The following DOCK3 variants were observed in gnomAD, a reference collection of about 807,000 sequenced individuals.
DOCK3 encodes the protein dedicator of cytokinesis 3.
DOCK3 carries 60 observed loss-of-function variants against 265.6 expected under a neutral mutation model. The ratio of observed to expected loss-of-function variants is 0.23; its 90% CI spans 0.18 to 0.28. The LOEUF (loss-of-function observed/expected upper bound fraction) is 0.28. DOCK3 is among the 10% of genes least tolerant of loss of function. DOCK3 has a pLI of 1.00. For synonymous variants in DOCK3, 881 were observed against 938.0 expected (o/e 0.94, Z 1.11); for missense variants, 1,981 against 2,594.3 (o/e 0.76, Z 5.14).
chr3:50,824,656 A>C (rs1318560728), intron 2 of DOCK3, among the ~76,000 whole-genome samples: 1 of 152,158 alleles, frequency 6.6e-6, no homozygotes, highest in Admixed American at 6.5e-5. Context: ...TAGAGATGAT[A>C]ATGGACCAGG....
intron 5 of DOCK3, among the ~76,000 whole-genome samples, chr3:50,940,186 G>C (rs574615718): frequency 6.6e-6 from 1 of 151,230 alleles, no homozygotes; most frequent in Admixed American, 6.6e-5. Flanking sequence ...GCCAGGCACA[G>C]TGTCTCATGC....
At chr3:50,839,338 A>G (rs1379874) in intron 2 of DOCK3, among the ~76,000 whole-genome samples, 15,092 of 152,234 alleles carry the variant, frequency 0.099, 928 homozygotes, top group Non-Finnish European at 0.13. Context: ...TTTTCAACTC[A>G]TTTGGGTAAA....
chr3:50,868,685 A>T lies in DOCK3; in HGVS notation c.163-21341A>T, dbSNP rs550998869. 1.4e-3 allele frequency among the ~76,000 whole-genome samples: 215 copies of T among 151,988 alleles called. No homozygotes were observed. The Middle Eastern group carries it at 0.017, about 12-fold the overall frequency. ...CACTGCACCAGGCTGACTTTTTATT[A>T]TGGCTTTTATCTTGTTACTGGTCTT... On this transcript the variant is annotated intron_variant, in intron 3 of 52. Transcript: ENST00000266037.
intron 21 of DOCK3, among the ~76,000 whole-genome samples, chr3:51,244,573 G>A (rs542552518): frequency 6.6e-6 from 1 of 152,094 alleles, no homozygotes; most frequent in Admixed American, 6.5e-5. Flanking sequence ...GTTCTAACAG[G>A]TTTTTTTGGG....
chr3:50,931,836 G>A (rs955635852), intron 4 of DOCK3, among the ~76,000 whole-genome samples: 2 of 152,218 alleles, frequency 1.3e-5, no homozygotes, highest in Non-Finnish European at 2.9e-5. Context: ...AAATTGGAGG[G>A]TTATGGAGTT....
At position 51,017,310 on chromosome 3, in the gene DOCK3, C is replaced by G. The variant is rs533016563; in HGVS notation, c.316-47138C>G. ...GGCTTGTCAATTTTGTTTATCTTTT[C>G]AAAAAGTCAGCTTTTTGTTTCATTG... On this transcript the variant is annotated intron_variant, in intron 5 of 52. Coordinates refer to ENST00000266037, the MANE Select transcript of DOCK3 (RefSeq NM_004947.5). Among the ~76,000 whole-genome samples the G allele has an allele frequency of 6.0e-5, 9 of 151,252 alleles. 2 individuals carry two copies. The highest frequency in any genetic ancestry group is 2.0e-4 in the African/African-American group (8 of 41,024).
At chr3:50,812,863 G>A (rs1421713775) in intron 2 of DOCK3, among the ~76,000 whole-genome samples, 1 of 152,214 alleles carries the variant, frequency 6.6e-6, no homozygotes, top group African/African-American at 2.4e-5. Flanking sequence ...CCCAACTCAG[G>A]TATTACTAAC....
At chr3:51,290,796 G>A (rs2081705739) in intron 27 of DOCK3, among the ~76,000 whole-genome samples, 1 of 152,146 alleles carries the variant, frequency 6.6e-6, no homozygotes. Context: ...AAAAGAGACA[G>A]TGGGCTGGGC....
chr3:51,056,595 T>C (rs1245537518), intron 5 of DOCK3, among the ~76,000 whole-genome samples: 2 of 152,208 alleles, frequency 1.3e-5, no homozygotes. Context: ...CCAAGTACTG[T>C]AGTCTAGAAA....
chr3:51,381,045 C>A lies in DOCK3; in HGVS notation c.5584-5C>A. On this transcript the variant is annotated splice_region_variant and splice_polypyrimidine_tract_variant and intron_variant, in intron 52 of 52. Transcript: ENST00000266037. This position sits in a 1 kb window ranked among gnomAD's most constrained non-coding sequence, Gnocchi z 5.6. ...ATTCTAACATGCCCACCCTTTCCTT[C>A]GCAGTCTCCTCTCCACCCTATCCCA... 1.3e-6 allele frequency: 2 copies of A among 1,578,932 alleles called. No homozygotes were observed.
intron 12 of DOCK3, among the ~76,000 whole-genome samples, chr3:51,201,325 G>A (rs1292769267): frequency 6.6e-6 from 1 of 151,504 alleles, no homozygotes; most frequent in Admixed American, 6.6e-5. Flanking sequence ...AAAGGATGGA[G>A]GAAGATCTAC....
At chr3:51,363,237 A>T (rs1161304882) in intron 49 of DOCK3, among the ~76,000 whole-genome samples, 2 of 152,238 alleles carry the variant, frequency 1.3e-5, no homozygotes, top group African/African-American at 2.4e-5. Flanking sequence ...GCATCTTCGC[A>T]TCTTTTTCAC....
chr3:50,766,346 C>T (rs1559611584), intron 1 of DOCK3, among the ~76,000 whole-genome samples: 1 of 142,430 alleles, frequency 7.0e-6, no homozygotes, highest in African/African-American at 2.6e-5. Context: ...TTGTTCAATA[C>T]CCACCTATGA....
At chr3:50,687,419 C>G (rs2034906288) in intron 1 of DOCK3, among the ~76,000 whole-genome samples, 1 of 152,158 alleles carries the variant, frequency 6.6e-6, no homozygotes, top group African/African-American at 2.4e-5. Flanking sequence ...CTGAAATGTG[C>G]TGCCAGTAGT....
At chr3:51,194,930 T>C (rs567094194) in intron 12 of DOCK3, among the ~76,000 whole-genome samples, 109 of 151,778 alleles carry the variant, frequency 7.2e-4, no homozygotes, top group African/African-American at 2.6e-3. Context: ...GTTCAAGTGA[T>C]TCTCTTGCCT....
At chr3:50,765,924 AC>A (rs1282822856) in intron 1 of DOCK3, among the ~76,000 whole-genome samples, 2 of 150,814 alleles carry the variant, frequency 1.3e-5, no homozygotes, top group East Asian at 3.9e-4. Context: ...TCCCTTAACC[AC>A]CCCCAGCCCC....
At chr3:51,136,259 C>T (rs1307110272) in intron 9 of DOCK3, among the ~76,000 whole-genome samples, 1 of 151,032 alleles carries the variant, frequency 6.6e-6, no homozygotes. Context: ...GATGGAGTCT[C>T]GCTCGTCACC....
intron 4 of DOCK3, among the ~76,000 whole-genome samples, chr3:50,902,865 T>C (rs912315470): frequency 1.1e-4 from 17 of 152,188 alleles, no homozygotes; most frequent in Non-Finnish European, 1.5e-4. Context: ...CGGTTTGTAG[T>C]TCTCCCTGAA....
chr3:50,732,487 C>A (rs2038284980), intron 1 of DOCK3, among the ~76,000 whole-genome samples: 1 of 152,188 alleles, frequency 6.6e-6, no homozygotes, highest in Non-Finnish European at 1.5e-5. Context: ...TCACAGTAAC[C>A]TTGAACCCCT....
Sources: gnomAD v4.1 joint callset for allele counts (sites outside exome capture counted in the v4.1 genomes callset) on GRCh38, gnomAD v4.1.1 for gene constraint, Gnocchi (gnomAD v3.1) non-coding constraint, MANE v1.5 for transcripts, NCBI Gene and HGNC (gene_info 2026-07-23, HGNC 2026-07-21) for gene names.